Variants in RBFOX1 observed in about 807,000 individuals in gnomAD.
RBFOX1 encodes RNA binding fox-1 homolog 1.
RBFOX1 carries 8 observed loss-of-function variants against 57.7 expected under a neutral mutation model. That is an observed-to-expected ratio of 0.14 (90% CI 0.08 to 0.25). The LOEUF is 0.25. Ranked by LOEUF, RBFOX1 falls within the 10% of genes least tolerant of loss-of-function variation. The pLI is 1.00. For missense variants in RBFOX1, 611 were observed against 548.5 expected (o/e 1.11, Z -1.14); for synonymous variants, 326 against 222.4 (o/e 1.47, Z -4.15).
intron 3 of RBFOX1, among the ~76,000 whole-genome samples, chr16:6,916,641 C>G (rs1019274086): frequency 1.3e-4 from 20 of 152,084 alleles, no homozygotes; most frequent in Non-Finnish European, 2.5e-4. Context: ...TTGTGTTTTT[C>G]TGGATGGTCA....
At chr16:7,404,582 A>G (rs991158830) in intron 4 of RBFOX1, among the ~76,000 whole-genome samples, 1 of 152,156 alleles carries the variant, frequency 6.6e-6, no homozygotes, top group Admixed American at 6.5e-5. Context: ...GAATGTAAAT[A>G]ATTTACACCT....
chr16:6,934,141 C>T (rs1340542617), intron 3 of RBFOX1, among the ~76,000 whole-genome samples: 3 of 152,102 alleles, frequency 2.0e-5, no homozygotes, highest in South Asian at 2.1e-4. Context: ...AGGGAACTTC[C>T]TGGGCTTCTG....
rs148545455 is a variant in RBFOX1 at position 6,952,716 on chromosome 16, G to T, written c.-15-99341G>T. Among the ~76,000 whole-genome samples, 142 of 152,230 alleles carry T rather than the reference G, an allele frequency of 9.3e-4. 1 individual carries two copies. Among genetic ancestry groups the T allele is most frequent in the African/African-American group, 3.2e-3 (135 of 41,556 alleles). ...GGTAGGGCCGGGCACGGTGGCTCAT[G>T]CCTGTCAGCTCAGCACTTTGGGAAT... is the stretch of plus-strand genomic sequence containing the variant. On this transcript the variant is annotated intron_variant, in intron 3 of 15. Transcript: ENST00000550418.
intron 1 of RBFOX1, among the ~76,000 whole-genome samples, chr16:5,242,044 G>C (rs1019734731): frequency 6.6e-6 from 1 of 152,054 alleles, no homozygotes; most frequent in Non-Finnish European, 1.5e-5. Flanking sequence ...GAGCCTGGAA[G>C]GTCCAGCTGC....
chr16:5,649,166 C>T (rs1460652472), intron 3 of RBFOX1, among the ~76,000 whole-genome samples: 1 of 151,666 alleles, frequency 6.6e-6, no homozygotes, highest in South Asian at 2.1e-4. Context: ...TATATATGTA[C>T]ATATGTATAT....
At chr16:6,875,873 G>T (rs773098524) in intron 3 of RBFOX1, among the ~76,000 whole-genome samples, 2 of 152,088 alleles carry the variant, frequency 1.3e-5, no homozygotes, top group South Asian at 4.1e-4. Flanking sequence ...TGGTCCATGC[G>T]TGGAATCCAG....
chr16:7,362,518 G>A lies in RBFOX1; in HGVS notation c.28-155629G>A, dbSNP rs547669759. 3.6e-5 allele frequency among the ~76,000 whole-genome samples: 4 copies of A among 110,034 alleles called. No individual in the cohort carries two copies. In the South Asian group the frequency reaches 1.2e-3, roughly 34 times the overall value. 72.2% of individuals were successfully genotyped at this position (110,034 alleles called of 152,430 possible). On this transcript the variant is annotated intron_variant, in intron 4 of 15. Coordinates refer to ENST00000550418, the MANE Select transcript of RBFOX1 (RefSeq NM_018723.4). ...GTTAGTATGTGCATGTTTTTTGTGTGTTTACATGTGTGTCAGTGTGTAGAT... is the reference window on the plus strand; with the variant it reads ...GTTAGTATGTGCATGTTTTTTGTGTATTTACATGTGTGTCAGTGTGTAGAT...
At chr16:7,168,421 A>G (rs750977888) in intron 4 of RBFOX1, among the ~76,000 whole-genome samples, 12 of 152,064 alleles carry the variant, frequency 7.9e-5, no homozygotes, top group Non-Finnish European at 1.8e-4. Context: ...CACATTGTCC[A>G]CCAATTCTCA....
At chr16:5,417,783 C>G (rs1417345877) in intron 1 of RBFOX1, among the ~76,000 whole-genome samples, 4 of 152,100 alleles carry the variant, frequency 2.6e-5, no homozygotes, top group Admixed American at 6.6e-5. Flanking sequence ...TGTCCCCCTA[C>G]TAAGATTTGT....
At chr16:5,984,963 TATA>T (rs2060252186) in intron 4 of RBFOX1, among the ~76,000 whole-genome samples, 1 of 40,022 alleles carries the variant, frequency 2.5e-5, no homozygotes, top group Non-Finnish European at 5.1e-5. Flanking sequence ...TATATATATA[TATA>T]TATATATATA....
chr16:7,155,130 G>A (rs1458754305), intron 4 of RBFOX1, among the ~76,000 whole-genome samples: 1 of 152,094 alleles, frequency 6.6e-6, no homozygotes, highest in Non-Finnish European at 1.5e-5. Flanking sequence ...ATAAACAACT[G>A]TTATCAGCCT....
chr16:7,684,281 T>G (rs2075573633), intron 14 of RBFOX1, among the ~76,000 whole-genome samples: 1 of 152,066 alleles, frequency 6.6e-6, no homozygotes, highest in African/African-American at 2.4e-5. Flanking sequence ...TCTCAAAAAC[T>G]ATGATGAATT....
In RBFOX1 at chr16:6,389,074, T is replaced by G. The variant is rs185837727; in HGVS notation, c.-64+72017T>G. ...CTTTTTTTAGTCTTTTCACCCAGCT[T>G]GGCTTTGCACTTTTGCCAGCTGCAA... On this transcript the variant is annotated intron_variant, in intron 2 of 15. Coordinates refer to ENST00000550418, the MANE Select transcript of RBFOX1 (RefSeq NM_018723.4). 2.0e-3 allele frequency among the ~76,000 whole-genome samples: 312 copies of G among 152,290 alleles called. 1 individual carries two copies. Among genetic ancestry groups the G allele is most frequent in the Admixed American group, 4.8e-3 (73 of 15,306 alleles).
At chr16:7,452,966 T>G (rs2057678069) in intron 4 of RBFOX1, among the ~76,000 whole-genome samples, 1 of 151,714 alleles carries the variant, frequency 6.6e-6, no homozygotes, top group Non-Finnish European at 1.5e-5. Context: ...CCATCTCCAC[T>G]AAAAATACAA....
chr16:5,815,392 C>G lies in RBFOX1; in HGVS notation c.319-51911C>G, dbSNP rs532936731. Among the ~76,000 whole-genome samples the G allele has an allele frequency of 7.2e-5, 11 of 152,214 alleles. No individual in the cohort carries two copies. In the East Asian group the frequency reaches 2.1e-3, roughly 29 times the overall value. On this transcript the variant is annotated intron_variant, in intron 3 of 19. Coordinates refer to the RBFOX1 transcript ENST00000641259. ...GGAGACCCCAGTGGTCAGTAGCTGG[C>G]CAGGGCCTGACTTCAGATCCCATGA...
At position 7,241,197 on chromosome 16, in the gene RBFOX1, A is replaced by G. The variant is rs549391125; in HGVS notation, c.27+189099A>G. Among the ~76,000 whole-genome samples, 5 of 152,318 alleles carry G rather than the reference A, an allele frequency of 3.3e-5. No homozygotes were observed. The East Asian group carries it at 7.7e-4, about 24-fold the overall frequency. On this transcript the variant is annotated intron_variant, in intron 4 of 15. Transcript: ENST00000550418. The stretch of plus-strand genomic sequence containing the variant: ...TTGATTATTCATAACCCTGAAATGT[A>G]TTGCCCCACCTCTACCATAAATCAC...
At chr16:6,516,238 A>G (rs2096375591) in intron 2 of RBFOX1, among the ~76,000 whole-genome samples, 1 of 152,188 alleles carries the variant, frequency 6.6e-6, no homozygotes, top group Non-Finnish European at 1.5e-5. Context: ...CATGTTGGCC[A>G]GGCTAGTCTC....
chr16:6,130,179 T>C (rs1266064645), intron 1 of RBFOX1, among the ~76,000 whole-genome samples: 1 of 152,122 alleles, frequency 6.6e-6, no homozygotes, highest in Non-Finnish European at 1.5e-5. Flanking sequence ...AAACAGATAG[T>C]TTACAATAAA....
chr16:6,431,107 C>A (rs1567255273), intron 2 of RBFOX1, among the ~76,000 whole-genome samples: 1 of 151,902 alleles, frequency 6.6e-6, no homozygotes, highest in Non-Finnish European at 1.5e-5. Context: ...CATTGCACTG[C>A]AGTCTGGGTG....
Sources: gnomAD v4.1 joint callset for allele counts (sites outside exome capture counted in the v4.1 genomes callset) on GRCh38, gnomAD v4.1.1 for gene constraint, MANE v1.5 for transcripts, NCBI Gene and HGNC (gene_info 2026-07-23, HGNC 2026-07-21) for gene names.